CNTN1: variants seen among roughly 807,000 people sequenced by gnomAD.
CNTN1 encodes the protein contactin 1, also known as contactin-1.
In CNTN1, 38 loss-of-function variants were observed where a neutral mutation model predicts 126.4. The ratio of observed to expected loss-of-function variants is 0.30; its 90% CI spans 0.23 to 0.39. CNTN1 has a LOEUF of 0.39. Among genes scored for constraint, CNTN1 ranks in the 10% least tolerant of loss-of-function variants. CNTN1 has a pLI of 1.00. For synonymous variants in CNTN1, 413 were observed against 422.6 expected (o/e 0.98, Z 0.28); for missense variants, 1,009 against 1,248.4 (o/e 0.81, Z 2.89).
At position 40,868,284 on chromosome 12, in the gene CNTN1, C is replaced by T. The variant is rs1348417216; in HGVS notation, c.-76-40073C>T. ...TGCTAAGTTTTCTCTATACAAAGATCATTAAGATTTTAATTTGGATGAAAA... is the reference window on the plus strand; with the variant it reads ...TGCTAAGTTTTCTCTATACAAAGATTATTAAGATTTTAATTTGGATGAAAA... On this transcript the variant is annotated intron_variant, in intron 1 of 23. Coordinates refer to ENST00000551295, the MANE Select transcript of CNTN1 (RefSeq NM_001843.4). Among the ~76,000 whole-genome samples the T allele has an allele frequency of 5.3e-5, 8 of 152,010 alleles. No homozygotes were observed. The East Asian group carries it at 1.5e-3, about 29-fold the overall frequency.
intron 16 of CNTN1, among the ~76,000 whole-genome samples, chr12:40,992,600 T>A (rs1158648140): frequency 2.0e-5 from 3 of 152,140 alleles, no homozygotes; most frequent in Non-Finnish European, 4.4e-5. Context: ...AAAATTATTA[T>A]GACATTTATT....
Position 40,933,517 on chromosome 12 carries a change from T to C in CNTN1, c.760T>C (p.Leu254=), listed in dbSNP as rs755959346. 8 of 1,612,162 alleles carry C rather than the reference T, an allele frequency of 5.0e-6. No individual in the cohort carries two copies. The highest frequency in any genetic ancestry group is 6.8e-6 in the Non-Finnish European group (8 of 1,178,568). Residue 254 remains leucine, a synonymous_variant, in exon 8 of 24, where the codon TTG becomes CTG. Transcript: ENST00000551295. Reference sequence around the variant, plus strand: ...AGTTCAGTTCAAGGATGTATATGCATTGATGGGCCAAAATGTGACCTTAGA... The same window carrying C: ...AGTTCAGTTCAAGGATGTATATGCACTGATGGGCCAAAATGTGACCTTAGA... ...IVVQFKDVYA[L]MGQNVTLECF... is the part of the protein sequence containing the mutation.
chr12:41,007,262 G>C (rs552058352), intron 17 of CNTN1, among the ~76,000 whole-genome samples: 2 of 151,648 alleles, frequency 1.3e-5, no homozygotes, highest in African/African-American at 2.4e-5. Context: ...GGGTTTCACC[G>C]TTTTAGCCGG....
intron 1 of CNTN1, among the ~76,000 whole-genome samples, chr12:40,719,052 G>C (rs765615309): frequency 5.9e-5 from 9 of 151,942 alleles, no homozygotes; most frequent in Non-Finnish European, 1.2e-4. Flanking sequence ...TTGGTTACCT[G>C]CATGTTATTA....
intron 1 of CNTN1, among the ~76,000 whole-genome samples, chr12:40,878,699 G>A (rs1200477782): frequency 6.6e-6 from 1 of 152,096 alleles, no homozygotes; most frequent in African/African-American, 2.4e-5. Context: ...ACACATTTTT[G>A]TAATTCAATA....
intron 1 of CNTN1, among the ~76,000 whole-genome samples, chr12:40,724,377 TTTC>T (rs1942298410): frequency 6.6e-6 from 1 of 152,158 alleles, no homozygotes; most frequent in Non-Finnish European, 1.5e-5. Context: ...CAACTACTGA[TTTC>T]TTCAACAGAG....
At chr12:40,842,283 A>G (rs747385287) in intron 1 of CNTN1, among the ~76,000 whole-genome samples, 36 of 152,122 alleles carry the variant, frequency 2.4e-4, no homozygotes, top group African/African-American at 8.4e-4. Context: ...TTCCTCTAAA[A>G]TATGTATTGT....
chr12:40,991,548 G>T (rs147673889), intron 16 of CNTN1, among the ~76,000 whole-genome samples: 1 of 152,290 alleles, frequency 6.6e-6, no homozygotes, highest in South Asian at 2.1e-4. Flanking sequence ...GGGCTACCTT[G>T]GCCGGGTATG....
chr12:41,060,583 C>CA, intron 23 of CNTN1, among the ~76,000 whole-genome samples: 1 of 152,166 alleles, frequency 6.6e-6, no homozygotes, highest in Non-Finnish European at 1.5e-5. Context: ...GGTGATAACT[C>CA]AGTGTATTTC....
chr12:40,825,097 C>A (rs73118726), intron 1 of CNTN1, among the ~76,000 whole-genome samples: 2,736 of 152,138 alleles, frequency 0.018, 75 homozygotes, highest in African/African-American at 0.062. Flanking sequence ...TAGTGCAATT[C>A]CTTGTGTGTA....
At chr12:40,888,068 G>T (rs1042791304) in intron 1 of CNTN1, among the ~76,000 whole-genome samples, 7 of 151,424 alleles carry the variant, frequency 4.6e-5, no homozygotes, top group Admixed American at 4.6e-4. Context: ...AATGCTAAAT[G>T]ACGAGTTAAT....
At chr12:40,946,659 C>A (rs1029679028) in intron 14 of CNTN1, among the ~76,000 whole-genome samples, 10 of 152,024 alleles carry the variant, frequency 6.6e-5, no homozygotes, top group African/African-American at 2.4e-4. Flanking sequence ...ACAGGAAGTT[C>A]TGACTAATAA....
chr12:40,837,973 A>G (rs1942124664), intron 1 of CNTN1, among the ~76,000 whole-genome samples: 1 of 152,066 alleles, frequency 6.6e-6, no homozygotes, highest in African/African-American at 2.4e-5. Flanking sequence ...ACCCTCTCCA[A>G]TGGCAGGGTC....
chr12:41,070,152 T>C lies in CNTN1; in HGVS notation c.*117T>C. 1 of 864,616 alleles carries C rather than the reference T, an allele frequency of 1.2e-6. No homozygotes were observed. Among genetic ancestry groups the C allele is most frequent in the Non-Finnish European group, 1.9e-6 (1 of 520,022 alleles). The allele number at this position is 864,616 out of a possible 1,614,324, so 53.6% of individuals were successfully genotyped here. ...ATCCTAAGCCAAATAAATTATACTT[T>C]AACAAACTATTCAACTGATTTACAA... On this transcript the variant is annotated 3_prime_UTR_variant, in exon 24 of 24. Coordinates refer to ENST00000551295, the MANE Select transcript of CNTN1 (RefSeq NM_001843.4).
chr12:40,917,741 G>A (rs1178687995), intron 3 of CNTN1, among the ~76,000 whole-genome samples: 2 of 152,022 alleles, frequency 1.3e-5, no homozygotes, highest in Admixed American at 6.6e-5. Flanking sequence ...AAATGCTGCC[G>A]CAGTGGTGGC....
chr12:40,976,474 A>T (rs888651625), intron 15 of CNTN1, among the ~76,000 whole-genome samples: 1 of 151,736 alleles, frequency 6.6e-6, no homozygotes, highest in African/African-American at 2.4e-5. Flanking sequence ...GCATCAGGCC[A>T]TTTGCTTACA....
chr12:40,765,002 C>T, intron 1 of CNTN1, among the ~76,000 whole-genome samples: 1 of 151,644 alleles, frequency 6.6e-6, no homozygotes, highest in East Asian at 1.9e-4. Flanking sequence ...GTAAAATGTT[C>T]CATAAGCACT....
In CNTN1 at chr12:40,784,462, G is replaced by A. The variant is rs546825465; in HGVS notation, c.-77+91870G>A. Reference sequence around the variant, plus strand: ...TTGAGATAGTTTTAAAGATTATATCGAGGGTTCTCTTTCTGGCAGGTTATA... The same window carrying A: ...TTGAGATAGTTTTAAAGATTATATCAAGGGTTCTCTTTCTGGCAGGTTATA... On this transcript the variant is annotated intron_variant, in intron 1 of 23. Transcript: ENST00000551295. Among the ~76,000 whole-genome samples, 9 of 152,242 alleles carry A rather than the reference G, an allele frequency of 5.9e-5. No homozygotes were observed. In the South Asian group the frequency reaches 1.2e-3, roughly 21 times the overall value.
At chr12:40,697,309 A>G (rs4460885) in intron 1 of CNTN1, among the ~76,000 whole-genome samples, 74 of 152,258 alleles carry the variant, frequency 4.9e-4, no homozygotes, top group African/African-American at 1.6e-3. Context: ...TGATAGTACA[A>G]ATTGTGTATC....
Sources: gnomAD v4.1 joint callset for allele counts (sites outside exome capture counted in the v4.1 genomes callset) on GRCh38, gnomAD v4.1.1 for gene constraint, MANE v1.5 for transcripts, NCBI Gene and HGNC (gene_info 2026-07-23, HGNC 2026-07-21) for gene names.